Variants in COLEC11 observed in about 807,000 individuals in gnomAD.
COLEC11 encodes collectin subfamily member 11.
Under a neutral mutation model 27.3 loss-of-function variants are expected in COLEC11, and 20 were observed. That is an observed-to-expected ratio of 0.73 (90% CI 0.51 to 1.06). COLEC11 has a LOEUF of 1.06. Among genes scored for constraint, COLEC11 ranks in the 50% least tolerant of loss-of-function variants. COLEC11 has a pLI of 0.00. For synonymous variants in COLEC11, 163 were observed against 154.7 expected (o/e 1.05, Z -0.40); for missense variants, 310 against 383.0 (o/e 0.81, Z 1.59).
rs60222284 is a variant in COLEC11, at chr2:3,625,625, C to CTTTTTTTTTTTTTTT, written c.203-11903_203-11889dup. On this transcript the variant is annotated intron_variant, in intron 3 of 6. Transcript: ENST00000349077. Reference sequence around the variant, plus strand: ...GGAAAGTTTCTTTTCTTCTTTTTTACTTTTTTTTTTTTTTTTTTTGAGACA... The same window carrying CTTTTTTTTTTTTTTT: ...GGAAAGTTTCTTTTCTTCTTTTTTACTTTTTTTTTTTTTTTTTTTTTTTTTTTTTTTTTTGAGACA... 3.0e-3 allele frequency among the ~76,000 whole-genome samples: 278 copies of CTTTTTTTTTTTTTTT among 91,438 alleles called. 11 individuals are homozygous for CTTTTTTTTTTTTTTT. The highest frequency in any genetic ancestry group is 4.2e-3 in the Non-Finnish European group (217 of 52,142). The allele number at this position is 91,438 out of a possible 152,430, so 60.0% of individuals were successfully genotyped here. A position where few individuals can be genotyped will look rare whatever the true frequency, so the allele number is the denominator to read the frequency against.
intron 3 of COLEC11, among the ~76,000 whole-genome samples, chr2:3,614,159 T>G (rs1266446744): frequency 6.6e-6 from 1 of 151,730 alleles, no homozygotes; most frequent in East Asian, 1.9e-4. Flanking sequence ...GTATTTTTAG[T>G]AGAGACTAGG....
At chr2:3,609,222 GT>G (rs1662980030) in intron 2 of COLEC11, among the ~76,000 whole-genome samples, 1 of 152,178 alleles carries the variant, frequency 6.6e-6, no homozygotes. Context: ...AAGTCTTGCT[GT>G]TTTTAATGAC....
rs139168935 is a variant in COLEC11 at position 3,627,858 on chromosome 2, C to G, written c.203-9675C>G. Reference sequence around the variant, plus strand: ...CACTGGGCGTGATGACAAAGTGGGTCTCAGCACCTGTCCCAGTGCTTCTTG... The same window carrying G: ...CACTGGGCGTGATGACAAAGTGGGTGTCAGCACCTGTCCCAGTGCTTCTTG... On this transcript the variant is annotated intron_variant, in intron 3 of 6. Coordinates refer to ENST00000349077, the MANE Select transcript of COLEC11 (RefSeq NM_024027.5). Among the ~76,000 whole-genome samples, 581 of 152,320 alleles carry G rather than the reference C, an allele frequency of 3.8e-3. 3 individuals carry two copies. The highest frequency in any genetic ancestry group is 4.3e-3 in the Non-Finnish European group (290 of 68,024).
intron 1 of COLEC11, among the ~76,000 whole-genome samples, chr2:3,597,342 T>G (rs1308558816): frequency 6.9e-6 from 1 of 144,082 alleles, no homozygotes; most frequent in Non-Finnish European, 1.5e-5. Flanking sequence ...AGTGAATGAA[T>G]GGAGTGAAGG....
At chr2:3,613,515 C>A (rs924611525) in intron 3 of COLEC11, 133 bp downstream of exon 3, 3 of 870,460 alleles carry the variant, frequency 3.4e-6, no homozygotes, top group Non-Finnish European at 5.5e-6. Flanking sequence ...GGGAGGCAGA[C>A]GGCATGGGAC....
chr2:3,606,269 C>G, intron 2 of COLEC11: 9 of 1,538,820 alleles, frequency 5.8e-6, no homozygotes, highest in Non-Finnish European at 7.9e-6. Flanking sequence ...TGGTGGGGGC[C>G]GTGGGGTGGG....
intron 5 of COLEC11, chr2:3,641,205 G>T (rs758689519): frequency 1.5e-6 from 2 of 1,301,686 alleles, no homozygotes; most frequent in Non-Finnish European, 2.0e-6. Flanking sequence ...AAAGAGAGGG[G>T]CTGGATTTCT....
chr2:3,641,154 G>C, intron 5 of COLEC11: 1 of 1,216,996 alleles, frequency 8.2e-7, no homozygotes, highest in Non-Finnish European at 1.1e-6. Flanking sequence ...CATTCGGAAG[G>C]TGCTTTCCGA....
intron 6 of COLEC11, 52 bp from the exon 7 acceptor site, chr2:3,643,675 G>A: frequency 6.2e-7 from 1 of 1,612,776 alleles, no homozygotes. Flanking sequence ...TGTGCCTTAA[G>A]TTTGTTGCAC....
chr2:3,609,912 C>T (rs1663057098), intron 2 of COLEC11, among the ~76,000 whole-genome samples: 1 of 152,250 alleles, frequency 6.6e-6, no homozygotes, highest in South Asian at 2.1e-4. Context: ...GATCCTCCTG[C>T]CTTGGCCTCC....
intron 3 of COLEC11, among the ~76,000 whole-genome samples, chr2:3,624,804 G>C (rs1468597228): frequency 6.6e-6 from 1 of 152,160 alleles, no homozygotes; most frequent in Non-Finnish European, 1.5e-5. Context: ...AAGCTTCTTT[G>C]GGGGGACTAT....
intron 3 of COLEC11, among the ~76,000 whole-genome samples, chr2:3,634,308 G>A (rs1665226597): frequency 6.6e-6 from 1 of 152,186 alleles, no homozygotes; most frequent in African/African-American, 2.4e-5. Flanking sequence ...ATTTCAGACA[G>A]ATAATAGTTT....
intron 2 of COLEC11, among the ~76,000 whole-genome samples, chr2:3,611,210 A>G (rs6720214): frequency 0.05 from 7,278 of 144,898 alleles, 576 homozygotes; most frequent in African/African-American, 0.17. Flanking sequence ...CAAACAAACA[A>G]AGCCTGCATT....
intron 3 of COLEC11, chr2:3,625,874 C>A: frequency 1.3e-6 from 1 of 747,868 alleles, no homozygotes; most frequent in Admixed American, 1.9e-5. Context: ...CTCAAGAGAT[C>A]CGCCTACCTT....
intron 3 of COLEC11, among the ~76,000 whole-genome samples, chr2:3,635,693 C>T (rs958991588): frequency 2.0e-5 from 3 of 152,222 alleles, no homozygotes; most frequent in Non-Finnish European, 4.4e-5. Context: ...GAAGCAGAGT[C>T]GCCTCCGTCC....
chr2:3,641,398 C>G, intron 5 of COLEC11: 1 of 1,297,358 alleles, frequency 7.7e-7, no homozygotes, highest in Non-Finnish European at 1.0e-6. Context: ...CTGAGGGGCC[C>G]GGACAAAGCC....
chr2:3,607,981 G>T (rs1347346206), intron 2 of COLEC11, among the ~76,000 whole-genome samples: 1 of 152,244 alleles, frequency 6.6e-6, no homozygotes. Flanking sequence ...GGCCAGCAGG[G>T]ATGTGAAGTC....
intron 1 of COLEC11, among the ~76,000 whole-genome samples, chr2:3,596,316 T>A (rs1451136856): frequency 6.6e-6 from 1 of 151,580 alleles, no homozygotes; most frequent in South Asian, 2.1e-4. Context: ...GAAGCCATGA[T>A]TTTTTCTCAT....
At chr2:3,628,280 G>A (rs552441644) in intron 3 of COLEC11, among the ~76,000 whole-genome samples, 1 of 152,388 alleles carries the variant, frequency 6.6e-6, no homozygotes, top group East Asian at 1.9e-4. Flanking sequence ...CTAGAGAGCT[G>A]GTCTGTGGGA....
Sources: allele counts gnomAD v4.1 joint callset (sites outside exome capture counted in the v4.1 genomes callset), GRCh38; gene constraint gnomAD v4.1.1; transcripts MANE v1.5; gene names NCBI Gene and HGNC (gene_info 2026-07-23, HGNC 2026-07-21).